Variants in ADAMTS18 observed in about 807,000 individuals in gnomAD.
ADAMTS18 encodes the protein A disintegrin and metalloproteinase with thrombospondin motifs 18.
In ADAMTS18, 157 loss-of-function variants were observed where a neutral mutation model predicts 165.9. That is an observed-to-expected ratio of 0.95 (90% CI 0.83 to 1.08). The LOEUF (loss-of-function observed/expected upper bound fraction) is 1.08, where lower values mean the gene tolerates loss of function less well. ADAMTS18 is among the 50% of genes least tolerant of loss of function. The pLI is 0.00. For missense variants in ADAMTS18, 2,040 were observed against 1,534.0 expected, an observed-to-expected ratio of 1.33 and a Z score of -5.51; for synonymous variants, 782 against 578.2, an observed-to-expected ratio of 1.35 and a Z score of -5.06.
chr16:77,346,491 G>T (rs1412297904), intron 10 of ADAMTS18, among the ~76,000 whole-genome samples: 1 of 152,016 alleles, frequency 6.6e-6, no homozygotes, highest in Non-Finnish European at 1.5e-5. Context: ...TAACATGAAA[G>T]AACCTGGCAA....
chr16:77,399,861 C>G (rs935385160), intron 3 of ADAMTS18, among the ~76,000 whole-genome samples: 1 of 152,136 alleles, frequency 6.6e-6, no homozygotes, highest in African/African-American at 2.4e-5. Flanking sequence ...TGTAATGTCC[C>G]TAAGTAATAG....
intron 11 of ADAMTS18, 133 bp downstream of exon 11, chr16:77,341,571 A>G: frequency 1.3e-6 from 1 of 757,508 alleles, no homozygotes; most frequent in South Asian, 1.5e-5. Flanking sequence ...CTGCTATATA[A>G]TGTTGTTAAT....
chr16:77,366,489 G>A (rs558752193), intron 4 of ADAMTS18, among the ~76,000 whole-genome samples: 2 of 152,302 alleles, frequency 1.3e-5, no homozygotes, highest in South Asian at 2.1e-4. Flanking sequence ...ACCTGGTGGG[G>A]TGGAGGTTGC....
At chr16:77,395,627 T>C (rs2057246905) in intron 3 of ADAMTS18, among the ~76,000 whole-genome samples, 1 of 152,208 alleles carries the variant, frequency 6.6e-6, no homozygotes, top group South Asian at 2.1e-4. Context: ...TCCATGATTC[T>C]TTAATGGAAA....
rs1230224332 is a variant in ADAMTS18 at position 77,335,615 on chromosome 16, C to T, written c.1859+141G>A. ...TAGTTGTATCAACACATCACATGTACCCCATAAATATGTATAACCATTATG... is the reference window on the plus strand; with the variant it reads ...TAGTTGTATCAACACATCACATGTATCCCATAAATATGTATAACCATTATG... On this transcript the variant is annotated intron_variant, in intron 12 of 22. Coordinates refer to ENST00000282849, the MANE Select transcript of ADAMTS18 (RefSeq NM_199355.4). 24 of 1,013,738 alleles carry T rather than the reference C, an allele frequency of 2.4e-5. No individual in the cohort carries two copies. The Admixed American group carries it at 4.2e-4, about 18-fold the overall frequency. The allele number at this position is 1,013,738 out of a possible 1,614,324, so 62.8% of individuals were successfully genotyped here.
intron 3 of ADAMTS18, among the ~76,000 whole-genome samples, chr16:77,373,728 C>A (rs1287083577): frequency 6.6e-6 from 1 of 152,068 alleles, no homozygotes; most frequent in Non-Finnish European, 1.5e-5. Context: ...AAAAAAATAA[C>A]ATGAAGAAAA....
chr16:77,329,628 A>T (rs2056155375), intron 12 of ADAMTS18, among the ~76,000 whole-genome samples: 1 of 152,174 alleles, frequency 6.6e-6, no homozygotes, highest in Admixed American at 6.5e-5. Context: ...GCTGAGTATT[A>T]TGTGATCTGA....
intron 11 of ADAMTS18, among the ~76,000 whole-genome samples, chr16:77,338,415 T>G (rs980151152): frequency 3.3e-5 from 5 of 151,814 alleles, no homozygotes; most frequent in African/African-American, 1.2e-4. Context: ...TTTTGTATTT[T>G]TAGTAGAGAT....
Position 77,322,461 on chromosome 16 carries a change from C to T in ADAMTS18, c.2038G>A (p.Asp680Asn), listed in dbSNP as rs1417729282. The T allele has an allele frequency of 6.2e-7, 1 of 1,613,952 alleles. No homozygotes were observed. ...GCCTTGCAGTACAGTTTGCATCGAT[C>T]TTCCTCTAGAAACAAAGAGATCAAG... ...WKPYTKVEEE[D>N]RCKLYCKAEN... Residue 680 changes from aspartate (D) to asparagine (N), a missense_variant, in exon 14 of 23, where the codon GAT (aspartate) becomes AAT (asparagine). Coordinates refer to ENST00000282849, the MANE Select transcript of ADAMTS18 (RefSeq NM_199355.4).
intron 21 of ADAMTS18, among the ~76,000 whole-genome samples, chr16:77,289,773 A>C (rs1195041357): frequency 6.6e-6 from 1 of 152,202 alleles, no homozygotes; most frequent in African/African-American, 2.4e-5. Context: ...ATTCCAGACA[A>C]TCTGTGCAGC....
At chr16:77,346,939 A>G (rs1235294968) in intron 10 of ADAMTS18, among the ~76,000 whole-genome samples, 5 of 152,350 alleles carry the variant, frequency 3.3e-5, no homozygotes, top group African/African-American at 1.2e-4. Context: ...CATCACTCCA[A>G]AAAGTTCCCC....
intron 3 of ADAMTS18, among the ~76,000 whole-genome samples, chr16:77,375,476 G>A (rs1412352403): frequency 6.6e-6 from 1 of 152,194 alleles, no homozygotes; most frequent in Non-Finnish European, 1.5e-5. Context: ...TTTTAGAGGG[G>A]AGGTAACGGA....
chr16:77,330,154 C>T (rs2056164513), intron 12 of ADAMTS18, among the ~76,000 whole-genome samples: 1 of 152,176 alleles, frequency 6.6e-6, no homozygotes, highest in Admixed American at 6.6e-5. Flanking sequence ...TGGGAAAATA[C>T]ACCACCAATT....
chr16:77,363,815 A>C lies in ADAMTS18; in HGVS notation c.1043T>G (p.Leu348Arg). Residue 348 changes from leucine (L) to arginine (R), a missense_variant, in exon 6 of 23, where the codon CTG becomes CGG. Physicochemically the swap from Leu to Arg is moderately radical, Grantham distance 102. Coordinates refer to ENST00000282849, the MANE Select transcript of ADAMTS18 (RefSeq NM_199355.4). ...INVVVVSLILLEQEPGGLLIN... is the reference protein window; with the variant it reads ...INVVVVSLILREQEPGGLLIN... The stretch of plus-strand genomic sequence containing the variant: ...TTTGCCACTTACAGGTTCTTGTTCC[A>C]GAAGAATTAGGCTCACCACAACCAC... 1 of 1,613,990 alleles carries C rather than the reference A, an allele frequency of 6.2e-7. No individual in the cohort carries two copies. Among genetic ancestry groups the C allele is most frequent in the Non-Finnish European group, 8.5e-7 (1 of 1,179,944 alleles).
intron 3 of ADAMTS18, among the ~76,000 whole-genome samples, chr16:77,407,355 G>A (rs776653371): frequency 2.0e-5 from 3 of 152,042 alleles, no homozygotes; most frequent in Non-Finnish European, 4.4e-5. Flanking sequence ...CAAATTAGAT[G>A]TACCATGTTC....
chr16:77,427,790 G>T (rs1208116934), intron 3 of ADAMTS18, among the ~76,000 whole-genome samples: 1 of 152,198 alleles, frequency 6.6e-6, no homozygotes, highest in Non-Finnish European at 1.5e-5. Flanking sequence ...TGAGTTGGCA[G>T]GGGAGGTGGG....
At chr16:77,349,300 AC>A (rs1243837659) in intron 10 of ADAMTS18, among the ~76,000 whole-genome samples, 2 of 151,122 alleles carry the variant, frequency 1.3e-5, no homozygotes, top group Non-Finnish European at 2.9e-5. Flanking sequence ...AAAACTACAC[AC>A]CTCCCCCATA....
chr16:77,385,730 T>A (rs1179522620), intron 3 of ADAMTS18, among the ~76,000 whole-genome samples: 1 of 152,156 alleles, frequency 6.6e-6, no homozygotes, highest in African/African-American at 2.4e-5. Flanking sequence ...AGCTGGATGA[T>A]TGACAGGACT....
At chr16:77,309,826 A>T (rs1409721441) in intron 16 of ADAMTS18, among the ~76,000 whole-genome samples, 2 of 152,176 alleles carry the variant, frequency 1.3e-5, no homozygotes, top group Non-Finnish European at 2.9e-5. Flanking sequence ...ATTCATCTAG[A>T]TTGAGGTAAG....
Sources: allele counts gnomAD v4.1 joint callset (sites outside exome capture counted in the v4.1 genomes callset), GRCh38; gene constraint gnomAD v4.1.1; transcripts MANE v1.5; gene names NCBI Gene and HGNC (gene_info 2026-07-23, HGNC 2026-07-21).